Variants in KCNB2 observed in about 807,000 individuals in gnomAD.
KCNB2 encodes delayed rectifier potassium channel protein.
In KCNB2, 15 loss-of-function variants were observed where a neutral mutation model predicts 61.5. The ratio of observed to expected loss-of-function variants is 0.24; its 90% CI spans 0.16 to 0.38. The LOEUF (loss-of-function observed/expected upper bound fraction) is 0.38, where lower values mean the gene tolerates loss of function less well. Among genes scored for constraint, KCNB2 ranks in the 10% least tolerant of loss-of-function variants. The pLI is 1.00. For synonymous variants in KCNB2, 457 were observed against 446.0 expected (o/e 1.02, Z -0.31); for missense variants, 828 against 1,125.2 (o/e 0.74, Z 3.78).
chr8:72,909,920 G>C (rs1468470289), intron 2 of KCNB2, among the ~76,000 whole-genome samples: 4 of 152,128 alleles, frequency 2.6e-5, no homozygotes. Flanking sequence ...TGAGTGAAAA[G>C]TACCCATGGG....
chr8:72,602,370 T>A (rs2128982619), intron 2 of KCNB2, among the ~76,000 whole-genome samples: 1 of 152,288 alleles, frequency 6.6e-6, no homozygotes, highest in South Asian at 2.1e-4. Context: ...CAGATGCTAC[T>A]GAATCATTGC....
chr8:72,794,055 T>A (rs936839048), intron 2 of KCNB2, among the ~76,000 whole-genome samples: 2 of 152,178 alleles, frequency 1.3e-5, no homozygotes, highest in Non-Finnish European at 2.9e-5. Flanking sequence ...GTGATGCCAC[T>A]CAGTGGAAAA....
chr8:72,572,604 G>GAC (rs140857657), intron 2 of KCNB2, among the ~76,000 whole-genome samples: 14 of 149,060 alleles, frequency 9.4e-5, no homozygotes, highest in Non-Finnish European at 1.3e-4. Flanking sequence ...GACACACACA[G>GAC]ACACACACAC....
intron 2 of KCNB2, among the ~76,000 whole-genome samples, chr8:72,584,562 A>T (rs1406023724): frequency 6.6e-6 from 1 of 152,218 alleles, no homozygotes; most frequent in African/African-American, 2.4e-5. Flanking sequence ...TGAAAAATAT[A>T]TATTTTTTAA....
chr8:72,882,789 T>A (rs1345170655), intron 2 of KCNB2, among the ~76,000 whole-genome samples: 1 of 152,222 alleles, frequency 6.6e-6, no homozygotes, highest in Admixed American at 6.5e-5. Context: ...TGTTGTTTTG[T>A]GCTACATATT....
chr8:72,677,677 C>T (rs1472220955), intron 2 of KCNB2, among the ~76,000 whole-genome samples: 1 of 152,168 alleles, frequency 6.6e-6, no homozygotes, highest in Non-Finnish European at 1.5e-5. Context: ...AGGATGCTTT[C>T]TCTTTGTGCT....
intron 2 of KCNB2, among the ~76,000 whole-genome samples, chr8:72,643,164 C>T (rs1806081446): frequency 6.6e-6 from 1 of 152,078 alleles, no homozygotes; most frequent in Non-Finnish European, 1.5e-5. Context: ...AAAGCCAAAA[C>T]CACACAACAT....
chr8:72,595,417 C>G (rs1413347682), intron 2 of KCNB2, among the ~76,000 whole-genome samples: 1 of 151,658 alleles, frequency 6.6e-6, no homozygotes, highest in Non-Finnish European at 1.5e-5. Context: ...CCTCTGCCTC[C>G]CAGGTTTAAG....
In KCNB2 at chr8:72,935,975, C is replaced by G; in HGVS notation, c.620C>G (p.Thr207Ser). 6.2e-7 allele frequency: 1 copy of G among 1,614,174 alleles called. No individual in the cohort carries two copies. Among genetic ancestry groups the G allele is most frequent in the Non-Finnish European group, 8.5e-7 (1 of 1,180,002 alleles). ...IVSILFIVLS[T>S]IALSLNTLPE... The stretch of plus-strand genomic sequence containing the variant: ...TCTATCCTGTTCATTGTGCTTTCCA[C>G]CATTGCTTTGTCTCTCAATACGCTG... The change falls in exon 3 of 3, where the codon ACC becomes AGC. Residue 207 changes from threonine (T) to serine (S), a missense_variant. Coordinates refer to ENST00000523207, the MANE Select transcript of KCNB2 (RefSeq NM_004770.3).
At chr8:72,925,771 T>C (rs149184020) in intron 2 of KCNB2, among the ~76,000 whole-genome samples, 2,973 of 152,320 alleles carry the variant, frequency 0.02, 39 homozygotes, top group Middle Eastern at 0.058. Flanking sequence ...TAAATCATTC[T>C]ATTGTAAAAA....
intron 1 of KCNB2, among the ~76,000 whole-genome samples, chr8:72,553,044 G>A (rs1019528114): frequency 1.3e-5 from 2 of 151,418 alleles, no homozygotes; most frequent in African/African-American, 4.9e-5. Context: ...TGTTTTATGA[G>A]TTCAGATCCT....
chr8:72,685,164 C>T (rs1312634066), intron 2 of KCNB2, among the ~76,000 whole-genome samples: 1 of 152,056 alleles, frequency 6.6e-6, no homozygotes, highest in East Asian at 1.9e-4. Flanking sequence ...CCAACTGTGG[C>T]AGGCCATATA....
intron 1 of KCNB2, among the ~76,000 whole-genome samples, chr8:72,544,043 T>A (rs1457256014): frequency 6.6e-6 from 1 of 152,236 alleles, no homozygotes; most frequent in African/African-American, 2.4e-5. Context: ...GATGATTTAA[T>A]TATCACTGTG....
intron 2 of KCNB2, among the ~76,000 whole-genome samples, chr8:72,697,322 C>T (rs114761136): frequency 0.012 from 1,792 of 152,152 alleles, 35 homozygotes; most frequent in African/African-American, 0.039. Flanking sequence ...GTGTCATCAT[C>T]GTCATCATCA....
chr8:72,856,894 G>A (rs1810216390), intron 2 of KCNB2, among the ~76,000 whole-genome samples: 1 of 152,170 alleles, frequency 6.6e-6, no homozygotes. Flanking sequence ...ATCACAGAGT[G>A]AGTGAGAATC....
At position 72,597,001 on chromosome 8, in the gene KCNB2, C is replaced by CTTTTTTTTTTTTTTTTTTTTTT. The variant is rs869160203; in HGVS notation, c.579+28708_579+28729dup. Among the ~76,000 whole-genome samples the CTTTTTTTTTTTTTTTTTTTTTT allele has an allele frequency of 1.2e-4, 8 of 64,658 alleles. 3 individuals are homozygous for CTTTTTTTTTTTTTTTTTTTTTT. Among genetic ancestry groups the CTTTTTTTTTTTTTTTTTTTTTT allele is most frequent in the South Asian group, 7.6e-4 (1 of 1,318 alleles). The allele number at this position is 64,658 out of a possible 152,430, so 42.4% of individuals were successfully genotyped here. A position where few individuals can be genotyped will look rare whatever the true frequency, so the allele number is the denominator to read the frequency against. ...GCATGCTTGCTTGCTTGCTTGCTTG[C>CTTTTTTTTTTTTTTTTTTTTTT]TTTTTTTTTTTTTTTTTTTTTTTTT... On this transcript the variant is annotated intron_variant, in intron 2 of 2. Transcript: ENST00000523207.
At chr8:72,615,406 C>T (rs1805604931) in intron 2 of KCNB2, among the ~76,000 whole-genome samples, 1 of 152,166 alleles carries the variant, frequency 6.6e-6, no homozygotes, top group Non-Finnish European at 1.5e-5. Flanking sequence ...GCCTTTAATC[C>T]TCTGTAGTTT....
chr8:72,764,848 G>A (rs912420470), intron 2 of KCNB2, among the ~76,000 whole-genome samples: 2 of 152,118 alleles, frequency 1.3e-5, no homozygotes, highest in African/African-American at 4.8e-5. Context: ...CGGAAGCATA[G>A]ACCAGAATTA....
chr8:72,702,325 T>C (rs1253167560), intron 2 of KCNB2, among the ~76,000 whole-genome samples: 2 of 152,152 alleles, frequency 1.3e-5, no homozygotes, highest in Non-Finnish European at 2.9e-5. Flanking sequence ...AACTCCCCAC[T>C]GAGACCAAGA....
Sources: gnomAD v4.1 joint callset for allele counts (sites outside exome capture counted in the v4.1 genomes callset) on GRCh38, gnomAD v4.1.1 for gene constraint, MANE v1.5 for transcripts, NCBI Gene and HGNC (gene_info 2026-07-23, HGNC 2026-07-21) for gene names.